Variants in TENM4 observed in about 807,000 individuals in gnomAD.
TENM4 encodes the protein teneurin-4.
TENM4 carries 82 observed loss-of-function variants against 243.3 expected under a neutral mutation model. The ratio of observed to expected loss-of-function variants is 0.34; its 90% confidence interval spans 0.28 to 0.40. The LOEUF (loss-of-function observed/expected upper bound fraction) is 0.40. TENM4 is among the 10% of genes least tolerant of loss of function. TENM4 has a pLI of 1.00. For synonymous variants in TENM4, 1,412 were observed against 1,456.3 expected, an observed-to-expected ratio of 0.97 and a Z score of 0.69; for missense variants, 3,138 against 3,673.3, an observed-to-expected ratio of 0.85 and a Z score of 3.77.
chr11:79,379,522 G>C (rs1857959546), intron 1 of TENM4, among the ~76,000 whole-genome samples: 1 of 152,176 alleles, frequency 6.6e-6, no homozygotes, highest in Non-Finnish European at 1.5e-5. Context: ...TGGAGAGACG[G>C]ATGGGTTCAA....
At chr11:78,857,746 C>G (rs11237639) in intron 10 of TENM4, among the ~76,000 whole-genome samples, 25,149 of 152,098 alleles carry the variant, frequency 0.17, 3,207 homozygotes, top group African/African-American at 0.36. Context: ...CAAAAACCAC[C>G]ACGCTGTGAT....
chr11:79,183,117 A>T (rs760337673), intron 3 of TENM4, among the ~76,000 whole-genome samples: 14 of 152,246 alleles, frequency 9.2e-5, no homozygotes, highest in Admixed American at 8.5e-4. Flanking sequence ...GAATGTGTAT[A>T]GTACTTTTAT....
intron 1 of TENM4, among the ~76,000 whole-genome samples, chr11:79,352,195 C>T (rs1039863305): frequency 1.3e-5 from 2 of 152,196 alleles, no homozygotes; most frequent in Non-Finnish European, 2.9e-5. Context: ...CCCTGTCCTG[C>T]TGCTGCCAGA....
chr11:79,085,825 C>T (rs562959983), intron 4 of TENM4, among the ~76,000 whole-genome samples: 1 of 152,344 alleles, frequency 6.6e-6, no homozygotes, highest in South Asian at 2.1e-4. Context: ...TAACCCCACA[C>T]TTTACATGCT....
Position 78,729,405 on chromosome 11 carries a change from T to C in TENM4, c.3377A>G (p.Gln1126Arg), listed in dbSNP as rs1177585356. Residue 1126 changes from glutamine (Q) to arginine (R), a missense_variant, in exon 22 of 34, where the codon CAG becomes CGG. By Grantham distance (43) the Gln-to-Arg change is conservative. Around this residue, in one of 2 missense-constraint regions of TENM4, gnomAD observed 2,467 missense variants for 3,059.1 expected, o/e 0.81. Transcript: ENST00000278550. ...FIWDKTDVYNQKVFGLSEAFV... is the reference protein window; with the variant it reads ...FIWDKTDVYNRKVFGLSEAFV... ...GGCTTCTGAAAGCCCAAACACCTTC[T>C]GGTTGTAGACGTCTGTCTTGTCCCA... is the stretch of plus-strand genomic sequence containing the variant. 6.3e-7 allele frequency: 1 copy of C among 1,583,468 alleles called. No individual in the cohort carries two copies. The highest frequency in any genetic ancestry group is 1.8e-5 in the Admixed American group (1 of 55,122).
intron 2 of TENM4, among the ~76,000 whole-genome samples, chr11:79,281,312 C>T (rs993216369): frequency 1.3e-5 from 2 of 152,142 alleles, no homozygotes; most frequent in South Asian, 2.1e-4. Flanking sequence ...GATTTGTCTA[C>T]GGTCAAGCAG....
chr11:78,857,013 C>T (rs1182833914), intron 10 of TENM4, among the ~76,000 whole-genome samples: 1 of 152,104 alleles, frequency 6.6e-6, no homozygotes, highest in East Asian at 1.9e-4. Context: ...GGGGGCACCA[C>T]AAATGCAAGC....
chr11:78,915,032 C>A (rs992864509), intron 6 of TENM4, among the ~76,000 whole-genome samples: 2 of 152,178 alleles, frequency 1.3e-5, no homozygotes, highest in African/African-American at 4.8e-5. Context: ...AGTACGAGAC[C>A]CCCCACCATC....
intron 6 of TENM4, among the ~76,000 whole-genome samples, chr11:78,938,958 G>A (rs1422986297): frequency 1.3e-5 from 2 of 152,206 alleles, no homozygotes; most frequent in Non-Finnish European, 2.9e-5. Flanking sequence ...AAGACCAAAA[G>A]TCCATTTGGA....
chr11:78,814,749 GTCT>G, intron 12 of TENM4, among the ~76,000 whole-genome samples: 1 of 152,298 alleles, frequency 6.6e-6, no homozygotes, highest in Admixed American at 6.5e-5. Flanking sequence ...GATTCTTATA[GTCT>G]TCTTTATACT....
At chr11:79,104,096 C>T (rs996248301) in intron 4 of TENM4, among the ~76,000 whole-genome samples, 5 of 152,130 alleles carry the variant, frequency 3.3e-5, no homozygotes, top group African/African-American at 1.2e-4. Flanking sequence ...GTGGTCTTCC[C>T]TTCCTAGCTG....
intron 12 of TENM4, among the ~76,000 whole-genome samples, chr11:78,817,225 G>A (rs369589113): frequency 2.0e-5 from 3 of 151,474 alleles, no homozygotes; most frequent in East Asian, 1.9e-4. Flanking sequence ...TGGAGGTGGC[G>A]GCATTTATAG....
intron 2 of TENM4, among the ~76,000 whole-genome samples, chr11:79,292,280 C>A (rs1049568832): frequency 9.9e-5 from 15 of 152,112 alleles, no homozygotes; most frequent in Admixed American, 4.6e-4. Flanking sequence ...CCTCGACCAC[C>A]AATGAGCATG....
intron 3 of TENM4, among the ~76,000 whole-genome samples, chr11:79,190,376 C>T (rs568253242): frequency 1.4e-4 from 21 of 152,326 alleles, no homozygotes; most frequent in Admixed American, 1.1e-3. Context: ...CGTGTAAATA[C>T]GTGGCCTTGC....
chr11:79,138,743 AC>A (rs1392746148), intron 4 of TENM4, among the ~76,000 whole-genome samples: 47 of 112,084 alleles, frequency 4.2e-4, no homozygotes, highest in African/African-American at 1.6e-3. Context: ...AATACATAAA[AC>A]ATACATTATA....
At chr11:79,299,426 C>T (rs1209631338) in intron 1 of TENM4, among the ~76,000 whole-genome samples, 1 of 152,186 alleles carries the variant, frequency 6.6e-6, no homozygotes, top group Non-Finnish European at 1.5e-5. Context: ...TCCTCAGACC[C>T]CAGATATGCA....
rs532106647 is a variant in TENM4, at chr11:79,336,819, G to C, written c.-320-39276C>G. Among the ~76,000 whole-genome samples the C allele has an allele frequency of 6.6e-5, 10 of 152,300 alleles. No homozygotes were observed. The South Asian group carries it at 1.2e-3, about 19-fold the overall frequency. ...CTGCTAGCTGTCTGTCACTCCTGCT[G>C]GTCAGTGGCCCAGGAGGCCCCCAGT... On this transcript the variant is annotated intron_variant, in intron 1 of 33. Transcript: ENST00000278550.
At chr11:79,200,220 G>A (rs1565246975) in intron 3 of TENM4, among the ~76,000 whole-genome samples, 1 of 152,172 alleles carries the variant, frequency 6.6e-6, no homozygotes, top group Non-Finnish European at 1.5e-5. Flanking sequence ...ACCCCAATCA[G>A]TTGTGCTTCC....
chr11:78,726,205 A>G lies in TENM4; in HGVS notation c.3424T>C (p.Tyr1142His). 6.2e-7 allele frequency: 1 copy of G among 1,613,898 alleles called. No individual in the cohort carries two copies. The highest frequency in any genetic ancestry group is 1.3e-5 in the African/African-American group (1 of 75,034). The change falls in exon 23 of 34, where the codon TAT becomes CAT. Residue 1142 changes from tyrosine to histidine, a missense_variant. Coordinates refer to ENST00000278550, the MANE Select transcript of TENM4 (RefSeq NM_001098816.3). ...SEAFVSVGYEYESCPDLILWE... is the reference protein window; with the variant it reads ...SEAFVSVGYEHESCPDLILWE... ...AGGATTAGATCTGGGCAGGATTCAT[A>G]TTCATAACCCACGGAAACTGTAGGT... is the stretch of plus-strand genomic sequence containing the variant.
Sources: gnomAD v4.1 joint callset for allele counts (sites outside exome capture counted in the v4.1 genomes callset) on GRCh38, gnomAD v4.1.1 for gene constraint, gnomAD v4.1.1 regional missense constraint, MANE v1.5 for transcripts, NCBI Gene and HGNC (gene_info 2026-07-23, HGNC 2026-07-21) for gene names.